Variants in LRRC37B observed in about 807,000 individuals in gnomAD.
LRRC37B encodes the protein leucine rich repeat containing 37B.
A neutral mutation model predicts 98.3 loss-of-function variants in LRRC37B; 28 were observed. That is an observed-to-expected ratio of 0.28 (90% CI 0.21 to 0.39). The LOEUF is 0.39. LRRC37B is among the 10% of genes least tolerant of loss of function. LRRC37B has a pLI of 1.00. For synonymous variants in LRRC37B, 364 were observed against 442.7 expected, an observed-to-expected ratio of 0.82 and a Z score of 2.23; for missense variants, 938 against 1,182.7, an observed-to-expected ratio of 0.79 and a Z score of 3.03.
At chr17:32,008,881 C>T (rs1212720266) in intron 1 of LRRC37B, among the ~76,000 whole-genome samples, 2 of 152,180 alleles carry the variant, frequency 1.3e-5, no homozygotes, top group African/African-American at 4.8e-5. Flanking sequence ...TAGTTTTTGG[C>T]AGCTATGAAT....
rs1450191573 is a variant in LRRC37B, at chr17:32,021,012, C to A, written c.-54C>A. ...GTTGCCCTGGTAACATGGAACAGAT[C>A]TGGACCCAAGCCTAATAAAGGTGAC... On this transcript the variant is annotated 5_prime_UTR_variant, in exon 1 of 12. Coordinates refer to ENST00000327564, the Ensembl canonical transcript of LRRC37B. 9.6e-6 allele frequency: 15 copies of A among 1,564,044 alleles called. No homozygotes were observed. The East Asian group carries it at 2.9e-4, about 30-fold the overall frequency.
At chr17:32,035,471 A>G (rs1911221259) in intron 6 of LRRC37B, 94 bp from the exon 10 acceptor site, 4 of 1,364,512 alleles carry the variant, frequency 2.9e-6, no homozygotes, top group Non-Finnish European at 4.1e-6. Flanking sequence ...TAGAGAAGCC[A>G]AAATAGAAGT....
rs138060086 is a variant in LRRC37B, at chr17:32,047,767, A to C, written c.2330A>C (p.Glu777Ala). ...GTCTCTTCTTTTCTGACAGCTGAAG[A>C]AGCATCTGTAGGGAATCCAGAAGGA... The change falls in exon 9 of 12, where the codon GAA (glutamate) becomes GCA (alanine). Residue 777 changes from glutamate to alanine, a missense_variant. Coordinates refer to ENST00000327564, the Ensembl canonical transcript of LRRC37B. 1.6e-4 allele frequency: 261 copies of C among 1,614,042 alleles called. 1 individual carries two copies. In the African/African-American group the frequency reaches 3.0e-3, roughly 18 times the overall value.
At chr17:32,027,449 CTG>C (rs4038012) in intron 2 of LRRC37B, among the ~76,000 whole-genome samples, 21 of 59,250 alleles carry the variant, frequency 3.5e-4, no homozygotes, top group East Asian at 7.6e-4. Flanking sequence ...GTGTGCTTGC[CTG>C]TGTGTGTGTG....
At position 32,053,370 on chromosome 17, in the gene LRRC37B, A is replaced by T. The variant is rs753156647; in HGVS notation, c.*42A>T. On this transcript the variant is annotated 3_prime_UTR_variant, in exon 12 of 12. Transcript: ENST00000327564. ...GTGGATGGCCTGGAGCTATGTTTTT[A>T]AAATTGTTATTAAATATTGGTTTTT... is the stretch of plus-strand genomic sequence containing the variant. 26 of 1,462,884 alleles carry T rather than the reference A, an allele frequency of 1.8e-5. No homozygotes were observed. In the South Asian group the frequency reaches 2.2e-4, roughly 12 times the overall value. 90.6% of individuals were successfully genotyped at this position (1,462,884 alleles called of 1,614,324 possible).
At chr17:32,032,370 C>CA (rs796494337) in intron 5 of LRRC37B, among the ~76,000 whole-genome samples, 2 of 151,080 alleles carry the variant, frequency 1.3e-5, no homozygotes, top group Non-Finnish European at 3.0e-5. Context: ...AGCTATTGTG[C>CA]AAAAAAAAAT....
chr17:32,039,035 A>G (rs1304483524), intron 7 of LRRC37B, among the ~76,000 whole-genome samples: 8 of 152,280 alleles, frequency 5.3e-5, no homozygotes, highest in Admixed American at 4.6e-4. Flanking sequence ...GATTTACTCT[A>G]TATGTCTTCT....
At chr17:32,039,295 A>G (rs1353986172) in intron 7 of LRRC37B, among the ~76,000 whole-genome samples, 5 of 150,526 alleles carry the variant, frequency 3.3e-5, no homozygotes. Flanking sequence ...AGATATAGGT[A>G]TAGATATATA....
chr17:32,052,792 A>AAAT (rs1911795275), intron 11 of LRRC37B: 1 of 152,178 alleles, frequency 6.6e-6, no homozygotes. Flanking sequence ...ATAAAAATAA[A>AAAT]AAAATTAGCT....
intron 6 of LRRC37B, 98 bp downstream of exon 9, chr17:32,035,079 A>G: frequency 1.1e-6 from 1 of 904,236 alleles, no homozygotes; most frequent in East Asian, 2.7e-5. Flanking sequence ...AAAAAGTCAT[A>G]ATTTAAATTT....
intron 7 of LRRC37B, chr17:32,042,359 C>G (rs1401603295): frequency 1.2e-5 from 2 of 170,424 alleles, no homozygotes; most frequent in African/African-American, 4.8e-5. Context: ...ACCCCCCCAG[C>G]ACACCTCGCA....
upstream of LRRC37B, chr17:32,020,836 C>T: frequency 2.4e-6 from 2 of 840,218 alleles, no homozygotes; most frequent in Non-Finnish European, 1.7e-6. Flanking sequence ...CTCTGCCGTG[C>T]CCCCACCCCA....
chr17:32,053,276 A>T (rs768588518), exon 12 of LRRC37B: 4 of 1,609,456 alleles, frequency 2.5e-6, no homozygotes, highest in South Asian at 2.2e-5. Context: ...GTGAATTCAC[A>T]TAAAAGGGCA....
intron 2 of LRRC37B, among the ~76,000 whole-genome samples, chr17:32,027,393 ATGTG>A (rs370608644): frequency 1.8e-5 from 2 of 113,016 alleles, no homozygotes; most frequent in Non-Finnish European, 3.7e-5. Flanking sequence ...GTGTGCTTGC[ATGTG>A]TGTGTGTGCT....
intron 2 of LRRC37B, among the ~76,000 whole-genome samples, chr17:32,025,030 G>GTTTTTTT (rs772444987): frequency 3.1e-4 from 22 of 69,916 alleles, no homozygotes; most frequent in African/African-American, 3.8e-4. Context: ...TTTTTTCCTC[G>GTTTTTTT]TTTTTTTTTT....
At chr17:32,041,552 C>T (rs1264085036) in intron 7 of LRRC37B, 2 of 501,860 alleles carry the variant, frequency 4.0e-6, no homozygotes, top group East Asian at 5.4e-5. Context: ...CGCCCCGCCC[C>T]TCCATCCACA....
chr17:32,039,242 G>A (rs868399623), intron 7 of LRRC37B, among the ~76,000 whole-genome samples: 2 of 151,348 alleles, frequency 1.3e-5, no homozygotes, highest in African/African-American at 4.9e-5. Context: ...CTCCCAGAGT[G>A]CTGCAATTAT....
chr17:32,048,038 A>G (rs1911641409), intron 9 of LRRC37B, 137 bp downstream of exon 12: 14 of 1,431,850 alleles, frequency 9.8e-6, no homozygotes, highest in Non-Finnish European at 1.4e-5. Flanking sequence ...CAAATGTACA[A>G]GATGGAGATA....
chr17:32,026,106 C>G (rs1294146136), intron 2 of LRRC37B, among the ~76,000 whole-genome samples: 1 of 152,154 alleles, frequency 6.6e-6, no homozygotes, highest in Non-Finnish European at 1.5e-5. Flanking sequence ...TTAGTTGAGA[C>G]ACATAAATGA....
Sources: gnomAD v4.1 joint callset for allele counts (sites outside exome capture counted in the v4.1 genomes callset) on GRCh38, gnomAD v4.1.1 for gene constraint, MANE v1.5 for transcripts, NCBI Gene and HGNC (gene_info 2026-07-23, HGNC 2026-07-21) for gene names.